TLR6: variants seen among roughly 807,000 people sequenced by gnomAD.
TLR6 encodes toll like receptor 6.
In TLR6, 9 loss-of-function variants were observed where a neutral mutation model predicts 16.1. That is an observed-to-expected ratio of 0.56 (90% confidence interval 0.34 to 0.98). TLR6 has a LOEUF of 0.98. Ranked by LOEUF, TLR6 falls within the 50% of genes least tolerant of loss-of-function variation. The pLI, the probability that TLR6 is intolerant of heterozygous loss-of-function variation, is 0.02. For missense variants in TLR6, 786 were observed against 921.0 expected (o/e 0.85, Z 1.90); for synonymous variants, 340 against 338.6 (o/e 1.00, Z -0.04).
intron 1 of TLR6, among the ~76,000 whole-genome samples, chr4:38,836,699 G>T (rs1711939079): frequency 6.6e-6 from 1 of 151,866 alleles, no homozygotes. Flanking sequence ...AGAACTTTGG[G>T]AGGCTGAGGT....
intron 1 of TLR6, among the ~76,000 whole-genome samples, chr4:38,832,690 A>G (rs1404829061): frequency 6.6e-6 from 1 of 152,026 alleles, no homozygotes; most frequent in Non-Finnish European, 1.5e-5. Flanking sequence ...CCCCACTGAT[A>G]TTCTCCTACG....
At chr4:38,849,342 C>T (rs541301432) in intron 1 of TLR6, among the ~76,000 whole-genome samples, 38 of 152,258 alleles carry the variant, frequency 2.5e-4, no homozygotes, top group African/African-American at 8.9e-4. Flanking sequence ...ATGTAAAGAC[C>T]ATTGATGCTA....
upstream of TLR6, among the ~76,000 whole-genome samples, chr4:38,859,845 A>G (rs562687726): frequency 6.6e-6 from 1 of 152,096 alleles, no homozygotes; most frequent in South Asian, 2.1e-4. Flanking sequence ...GAATTACAGG[A>G]TTGAGCCACC....
chr4:38,858,178 A>G (rs76321546), upstream of TLR6, among the ~76,000 whole-genome samples: 34,943 of 152,104 alleles, frequency 0.23, 4,861 homozygotes, highest in Non-Finnish European at 0.31. Context: ...TAAGCAAACA[A>G]AGAAACAGAC....
At chr4:38,828,127 A>G in exon 2 of TLR6, 1 of 1,614,214 alleles carries the variant, frequency 6.2e-7, no homozygotes, top group Non-Finnish European at 8.5e-7. Flanking sequence ...TGATCCTGGG[A>G]GGTAAACATC....
chr4:38,858,832 GAAGAAAGAAAGAAAGAAAGA>G (rs71190999), upstream of TLR6, among the ~76,000 whole-genome samples: 17 of 50,894 alleles, frequency 3.3e-4, no homozygotes, highest in Non-Finnish European at 5.2e-4. Context: ...AGAGAGAGAG[GAAGAAAGAAAGAAAGAAAGA>G]AAGAAAGAAA....
At chr4:38,857,710 G>T (rs1375833700), upstream of TLR6, among the ~76,000 whole-genome samples, 3 of 152,022 alleles carry the variant, frequency 2.0e-5, no homozygotes, top group African/African-American at 7.3e-5. Context: ...GACAAAGTTG[G>T]ACATCTCCGT....
At chr4:38,835,092 C>T (rs1429003380) in intron 1 of TLR6, among the ~76,000 whole-genome samples, 2 of 152,180 alleles carry the variant, frequency 1.3e-5, no homozygotes, top group Middle Eastern at 6.8e-3. Flanking sequence ...AAACAATAAG[C>T]CAAATGACAG....
At chr4:38,829,060 G>A in exon 2 of TLR6, 1 of 1,614,188 alleles carries the variant, frequency 6.2e-7, no homozygotes, top group African/African-American at 1.3e-5. Context: ...ATTCCTTACA[G>A]ATGGGCAGGG....
rs1713007219 is a variant in TLR6 at position 38,856,743 on chromosome 4, A to C, written c.-65+18T>G. ...CTGTGCCATAATGTGAAAAAGCCAC[A>C]GAAGTCTTTCTACTTACCAAGATCT... On this transcript the variant is annotated intron_variant, in intron 1 of 1. Coordinates refer to ENST00000436693, the Ensembl canonical transcript of TLR6. 1.3e-5 allele frequency: 2 copies of C among 152,286 alleles called. No homozygotes were observed. 9.4% of individuals were successfully genotyped at this position (152,286 alleles called of 1,614,324 possible). A position where few individuals can be genotyped will look rare whatever the true frequency, so the allele number is the denominator to read the frequency against.
At chr4:38,861,856 C>T in the TLR6 span, among the ~76,000 whole-genome samples, 1 of 152,142 alleles carries the variant, frequency 6.6e-6, no homozygotes. Flanking sequence ...TTTCTAAATC[C>T]ATGCATTGTC....
intron 1 of TLR6, among the ~76,000 whole-genome samples, chr4:38,833,399 T>C (rs1711735425): frequency 6.6e-6 from 1 of 152,212 alleles, no homozygotes; most frequent in South Asian, 2.1e-4. Context: ...TGCTGACAAC[T>C]GTAACCTAAG....
At chr4:38,846,180 C>T (rs1428619314) in intron 1 of TLR6, among the ~76,000 whole-genome samples, 1 of 151,146 alleles carries the variant, frequency 6.6e-6, no homozygotes, top group Non-Finnish European at 1.5e-5. Context: ...AATAGATCAA[C>T]AAGCACTCTC....
Position 38,827,466 on chromosome 4 carries a change from G to GTA in TLR6, c.2006_2007dup (p.Gln670TyrfsTer63), listed in dbSNP as rs760930964. Reference sequence around the variant, plus strand: ...AAGTTTCTCTCATGAAGACAAATCTGTATATCTTCTTTTTCTAGGTAAGGT... The same window carrying GTA: ...AAGTTTCTCTCATGAAGACAAATCTGTATATATCTTCTTTTTCTAGGTAAGGT... On this transcript the variant is annotated frameshift_variant, in exon 2 of 2. Coordinates refer to ENST00000436693, the Ensembl canonical transcript of TLR6. LOFTEE classifies it high-confidence loss of function. 85 of 1,614,088 alleles carry GTA rather than the reference G, an allele frequency of 5.3e-5. 1 individual carries two copies. The African/African-American group carries it at 1.0e-3, about 20-fold the overall frequency.
At chr4:38,828,493 C>T (rs1173863488) in exon 2 of TLR6, 1 of 1,614,132 alleles carries the variant, frequency 6.2e-7, no homozygotes, top group Non-Finnish European at 8.5e-7. Flanking sequence ...TCTCAGAAAA[C>T]ACGGTGTACA....
At chr4:38,833,973 T>G (rs1020819397) in intron 1 of TLR6, among the ~76,000 whole-genome samples, 2 of 151,594 alleles carry the variant, frequency 1.3e-5, no homozygotes, top group African/African-American at 4.9e-5. Flanking sequence ...ACAACTGTAA[T>G]CCCAGCACTT....
intron 1 of TLR6, among the ~76,000 whole-genome samples, chr4:38,833,659 G>A (rs950185158): frequency 3.3e-5 from 5 of 152,068 alleles, no homozygotes; most frequent in Admixed American, 1.3e-4. Context: ...GAAACATGAA[G>A]CCTCCAAAGG....
At chr4:38,839,121 A>AGGAAGGGAG (rs1344819593) in intron 1 of TLR6, among the ~76,000 whole-genome samples, 212 of 99,090 alleles carry the variant, frequency 2.1e-3, no homozygotes, top group African/African-American at 7.9e-3. Context: ...AAGGGAGGGG[A>AGGAAGGGAG]GGAAGGGAGG....
In TLR6 at chr4:38,828,651, G is replaced by A. The variant is rs764066463; in HGVS notation, c.823C>T (p.Pro275Ser). Residue 275 changes from proline (P) to serine (S), a missense_variant, in exon 2 of 2, where the codon CCC (proline) becomes TCC (serine). Transcript: ENST00000436693. ...ATATTGAGATATTCCACAGGTTTGG[G>A]CCAAAGAAATTGAAAGACTCTGACC... The A allele has an allele frequency of 1.9e-6, 3 of 1,614,088 alleles. No individual in the cohort carries two copies. The highest frequency in any genetic ancestry group is 4.5e-5 in the East Asian group (2 of 44,870).
Sources: gnomAD v4.1 joint callset for allele counts (sites outside exome capture counted in the v4.1 genomes callset) on GRCh38, gnomAD v4.1.1 for gene constraint, MANE v1.5 for transcripts, NCBI Gene and HGNC (gene_info 2026-07-23, HGNC 2026-07-21) for gene names.